REV3L: variants seen among roughly 807,000 people sequenced by gnomAD.
REV3L encodes the protein REV3 like, DNA directed polymerase zeta catalytic subunit, also known as DNA polymerase zeta catalytic subunit.
In REV3L, 69 loss-of-function variants were observed where a neutral mutation model predicts 299.4. The ratio of observed to expected loss-of-function variants is 0.23; its 90% CI spans 0.19 to 0.28. REV3L has a LOEUF of 0.28. REV3L is among the 10% of genes least tolerant of loss of function. REV3L has a pLI of 1.00. For missense variants in REV3L, 3,128 were observed against 3,693.8 expected, an observed-to-expected ratio of 0.85 and a Z score of 3.97; for synonymous variants, 1,238 against 1,271.4, an observed-to-expected ratio of 0.97 and a Z score of 0.56.
Position 111,372,590 on chromosome 6 carries a change from G to C in REV3L, c.5759+6C>G. 1 of 1,473,144 alleles carries C rather than the reference G, an allele frequency of 6.8e-7. No individual in the cohort carries two copies. Among genetic ancestry groups the C allele is most frequent in the South Asian group, 1.6e-5 (1 of 63,238 alleles). 91.3% of individuals were successfully genotyped at this position (1,473,144 alleles called of 1,614,324 possible). A position where few individuals can be genotyped will look rare whatever the true frequency, so the allele number is the denominator to read the frequency against. On this transcript the variant is annotated splice_donor_region_variant and intron_variant, in intron 13 of 31. Transcript: ENST00000368802. Reference sequence around the variant, plus strand: ...GAGTGACCCAAGGGAAAAAATAACTGATTACCTGGGCTTTTCTGGTACATC... The same window carrying C: ...GAGTGACCCAAGGGAAAAAATAACTCATTACCTGGGCTTTTCTGGTACATC...
intron 1 of REV3L, among the ~76,000 whole-genome samples, chr6:111,422,575 TACACATATATATATATATAC>T (rs1236636256): frequency 1.2e-5 from 1 of 84,282 alleles, no homozygotes; most frequent in African/African-American, 3.6e-5. Flanking sequence ...TATATATATA[TACACATATATATATATATAC>T]ACATATATAT....
At chr6:111,409,096 GTT>G in intron 3 of REV3L, among the ~76,000 whole-genome samples, 1 of 152,152 alleles carries the variant, frequency 6.6e-6, no homozygotes, top group Non-Finnish European at 1.5e-5. Flanking sequence ...TGTTTTACAT[GTT>G]TACAAATCCT....
intron 3 of REV3L, among the ~76,000 whole-genome samples, chr6:111,410,000 C>T (rs1265304972): frequency 6.6e-6 from 1 of 152,148 alleles, no homozygotes; most frequent in Non-Finnish European, 1.5e-5. Flanking sequence ...CCATCAACTT[C>T]CACAGAGCAT....
chr6:111,304,629 T>G (rs1446937933), intron 31 of REV3L, among the ~76,000 whole-genome samples: 1 of 151,110 alleles, frequency 6.6e-6, no homozygotes, highest in African/African-American at 2.4e-5. Context: ...TTTTTTTTTT[T>G]CGATCCAAGG....
chr6:111,370,292 C>T (rs1018774821), intron 13 of REV3L, among the ~76,000 whole-genome samples: 33 of 152,136 alleles, frequency 2.2e-4, no homozygotes, highest in African/African-American at 7.2e-4. Flanking sequence ...ACTAATAACA[C>T]CAAAGTCCCC....
rs192819237 is a variant in REV3L at position 111,413,147 on chromosome 6, T to C, written c.330-1593A>G. Among the ~76,000 whole-genome samples the C allele has an allele frequency of 6.6e-4, 100 of 152,302 alleles. 1 individual carries two copies. Among genetic ancestry groups the C allele is most frequent in the Admixed American group, 1.8e-3 (28 of 15,294 alleles). On this transcript the variant is annotated intron_variant, in intron 2 of 31. Transcript: ENST00000368802. ...ACATAAATGATATCATTCTCTCTCATTGGCAAATTCAACCTTAACTGTAGC... is the reference window on the plus strand; with the variant it reads ...ACATAAATGATATCATTCTCTCTCACTGGCAAATTCAACCTTAACTGTAGC...
At chr6:111,433,275 A>G (rs1383452429) in intron 1 of REV3L, among the ~76,000 whole-genome samples, 1 of 152,092 alleles carries the variant, frequency 6.6e-6, no homozygotes, top group Admixed American at 6.6e-5. Context: ...TTAAAAAGAC[A>G]AACAAAATTA....
At chr6:111,452,628 G>T (rs1292117523) in intron 1 of REV3L, among the ~76,000 whole-genome samples, 1 of 152,174 alleles carries the variant, frequency 6.6e-6, no homozygotes, top group Non-Finnish European at 1.5e-5. Flanking sequence ...AAGTGGTTGT[G>T]AGGGACCAGG....
rs1043073107 is a variant in REV3L at position 111,376,217 on chromosome 6, T to C, written c.2138A>G (p.Asn713Ser). The stretch of plus-strand genomic sequence containing the variant: ...AGAGGATACTTTATTTTTTGAATGA[T>C]TTAAGTCAGAAAAGTTGAAAGAATT... ...GKNSFNFSDLNHSKNKVSSEG... is the reference protein window; with the variant it reads ...GKNSFNFSDLSHSKNKVSSEG... The change falls in exon 13 of 32, where the codon AAT (asparagine) becomes AGT (serine). Residue 713 changes from asparagine to serine, a missense_variant. By Grantham distance (46) the Asn-to-Ser change is conservative. Around this residue, in one of 9 missense-constraint regions of REV3L, gnomAD observed 2,409 missense variants for 2,611.8 expected, o/e 0.92. Transcript: ENST00000368802. The C allele has an allele frequency of 1.2e-6, 2 of 1,613,560 alleles. No individual in the cohort carries two copies. Among genetic ancestry groups the C allele is most frequent in the Non-Finnish European group, 1.7e-6 (2 of 1,179,878 alleles).
intron 1 of REV3L, among the ~76,000 whole-genome samples, chr6:111,435,022 T>G (rs1006884384): frequency 5.9e-5 from 9 of 152,132 alleles, no homozygotes; most frequent in African/African-American, 1.9e-4. Flanking sequence ...CTGGGCAACA[T>G]GGTGAAACCC....
rs560991390 is a variant in REV3L, at chr6:111,310,378, G to C, written c.8796-279C>G. 4 of 221,962 alleles carry C rather than the reference G, an allele frequency of 1.8e-5. No homozygotes were observed. In the South Asian group the frequency reaches 4.1e-4, roughly 23 times the overall value. The allele number at this position is 221,962 out of a possible 1,614,324, so 13.7% of individuals were successfully genotyped here. A position where few individuals can be genotyped will look rare whatever the true frequency, so the allele number is the denominator to read the frequency against. On this transcript the variant is annotated intron_variant, in intron 29 of 31. Coordinates refer to ENST00000368802, the MANE Select transcript of REV3L (RefSeq NM_001372078.1). Reference sequence around the variant, plus strand: ...ATCAACTAGCTTAAGATGTATTTTAGGTGGGAGTGGTGGCTCATGCCTGTA... The same window carrying C: ...ATCAACTAGCTTAAGATGTATTTTACGTGGGAGTGGTGGCTCATGCCTGTA...
intron 14 of REV3L, among the ~76,000 whole-genome samples, chr6:111,365,774 G>C (rs1562189351): frequency 6.6e-6 from 1 of 152,178 alleles, no homozygotes; most frequent in Non-Finnish European, 1.5e-5. Context: ...TTTTTATGTA[G>C]TCAAGGAGAT....
rs74447399 is a variant in REV3L at position 111,391,575 on chromosome 6, A to T, written c.662+1301T>A. On this transcript the variant is annotated intron_variant, in intron 5 of 31. Transcript: ENST00000368802. Reference sequence around the variant, plus strand: ...ATCTTTTCACCATTGATAGAGAAGGAATATAATTAGCCAACCTATCATAAT... The same window carrying T: ...ATCTTTTCACCATTGATAGAGAAGGTATATAATTAGCCAACCTATCATAAT... 3.0e-4 allele frequency among the ~76,000 whole-genome samples: 45 copies of T among 152,334 alleles called. No homozygotes were observed. The East Asian group carries it at 8.3e-3, about 28-fold the overall frequency.
chr6:111,359,082 G>T, intron 16 of REV3L, 68 bp from the exon 17 acceptor site: 1 of 1,309,272 alleles, frequency 7.6e-7, no homozygotes, highest in Non-Finnish European at 1.0e-6. Flanking sequence ...AAGTATGTAA[G>T]GCTCTAGGGA....
chr6:111,429,193 T>C (rs1029463208), intron 1 of REV3L, among the ~76,000 whole-genome samples: 1 of 152,236 alleles, frequency 6.6e-6, no homozygotes, highest in African/African-American at 2.4e-5. Context: ...AATCTTCTTT[T>C]GTAGTGATGG....
intron 18 of REV3L, 73 bp from the exon 19 acceptor site, chr6:111,351,864 A>C: frequency 9.7e-7 from 1 of 1,030,032 alleles, no homozygotes; most frequent in Non-Finnish European, 1.5e-6. Context: ...TTGTTTCTTC[A>C]TGATATAAGG....
At chr6:111,418,485 C>T (rs1784992390) in intron 1 of REV3L, among the ~76,000 whole-genome samples, 1 of 152,128 alleles carries the variant, frequency 6.6e-6, no homozygotes, top group Non-Finnish European at 1.5e-5. Flanking sequence ...AGAACTACAA[C>T]AATTTTGGGA....
intron 9 of REV3L, among the ~76,000 whole-genome samples, chr6:111,387,325 T>C (rs367760431): frequency 8.5e-5 from 13 of 152,270 alleles, no homozygotes; most frequent in African/African-American, 3.1e-4. Context: ...ATGGAAACAT[T>C]CTAAAACTGG....
chr6:111,351,734 G>A lies in REV3L; in HGVS notation c.7242C>T (p.Leu2414=). Residue 2414 remains leucine, a synonymous_variant, in exon 19 of 32, where the codon CTC becomes CTT. Coordinates refer to ENST00000368802, the MANE Select transcript of REV3L (RefSeq NM_001372078.1). ...YEIQMHSWGY[L]LQRAAALSID... ...TACTTAAAGCGGCAGCCCTTTGTAA[G>A]AGGTAACCCCAGGAATGCATCTGAA... is the stretch of plus-strand genomic sequence containing the variant. 19 of 1,613,752 alleles carry A rather than the reference G, an allele frequency of 1.2e-5. No individual in the cohort carries two copies. The highest frequency in any genetic ancestry group is 1.6e-5 in the Non-Finnish European group (19 of 1,179,818).
Sources: gnomAD v4.1 joint callset for allele counts (sites outside exome capture counted in the v4.1 genomes callset) on GRCh38, gnomAD v4.1.1 for gene constraint, gnomAD v4.1.1 regional missense constraint, MANE v1.5 for transcripts, NCBI Gene and HGNC (gene_info 2026-07-23, HGNC 2026-07-21) for gene names.